RIBC2: variants seen among roughly 807,000 people sequenced by gnomAD.
RIBC2 encodes RIB43A-like with coiled-coils protein 2.
A neutral mutation model predicts 44.3 loss-of-function variants in RIBC2; 40 were observed. The observed-to-expected ratio is 0.90, with a 90% CI of 0.70 to 1.18. The LOEUF (loss-of-function observed/expected upper bound fraction) is 1.18, where lower values mean the gene tolerates loss of function less well. Ranked by LOEUF, RIBC2 falls within the 50% of genes most tolerant of loss-of-function variation. The probability of loss-of-function intolerance (pLI) is 0.00; values close to 1 mark genes in which losing one functional copy is unlikely to be tolerated. For missense variants in RIBC2, 459 were observed against 485.5 expected, an observed-to-expected ratio of 0.95 and a Z score of 0.51; for synonymous variants, 171 against 175.0, an observed-to-expected ratio of 0.98 and a Z score of 0.18.
chr22:45,419,197 T>C (rs1397560910), intron 3 of RIBC2, among the ~76,000 whole-genome samples: 2 of 152,202 alleles, frequency 1.3e-5, no homozygotes, highest in Non-Finnish European at 1.5e-5. Context: ...GCCTGGACTC[T>C]TCCCTGAATC....
At chr22:45,431,480 C>G (rs745742144) in intron 6 of RIBC2, among the ~76,000 whole-genome samples, 2 of 152,226 alleles carry the variant, frequency 1.3e-5, no homozygotes, top group Non-Finnish European at 2.9e-5. Flanking sequence ...GAGTTCAGAG[C>G]TCCAGCTACA....
rs986670846 is a variant in RIBC2, at chr22:45,431,175, T to C, written c.1070+109T>C. The C allele has an allele frequency of 5.3e-6, 7 of 1,315,130 alleles. No individual in the cohort carries two copies. In the Admixed American group the frequency reaches 1.1e-4, roughly 21 times the overall value. 81.5% of individuals were successfully genotyped at this position (1,315,130 alleles called of 1,614,324 possible). On this transcript the variant is annotated intron_variant, in intron 6 of 6. Transcript: ENST00000614167. Reference sequence around the variant, plus strand: ...CAGGAGGGGAAACACCCCGCCCTGGTGGTCCTCATCTGGACACTGTGGACC... The same window carrying C: ...CAGGAGGGGAAACACCCCGCCCTGGCGGTCCTCATCTGGACACTGTGGACC...
chr22:45,431,401 G>C (rs898702778), intron 6 of RIBC2, among the ~76,000 whole-genome samples: 9 of 152,176 alleles, frequency 5.9e-5, no homozygotes, highest in African/African-American at 2.2e-4. Context: ...CGGCTTTCCA[G>C]GTAGAGAGAG....
intron 4 of RIBC2, among the ~76,000 whole-genome samples, chr22:45,424,753 C>CTTTTTTTT (rs3071820): frequency 1.3e-4 from 16 of 124,338 alleles, no homozygotes; most frequent in South Asian, 2.6e-4. Flanking sequence ...TTTCTTTTTT[C>CTTTTTTTT]TTTTTTTTTT....
chr22:45,422,801 C>T (rs907127304), intron 4 of RIBC2, among the ~76,000 whole-genome samples: 2 of 152,094 alleles, frequency 1.3e-5, no homozygotes, highest in African/African-American at 4.8e-5. Flanking sequence ...AGAACAGCTA[C>T]TTGGATGCTC....
Position 45,413,814 on chromosome 22 carries a change from T to G in RIBC2, c.-73T>G. Reference sequence around the variant, plus strand: ...CCCGACCGAAGGAGCCGACCTTGCCTGCGCTACAGCTTCCTTATTTTCGTC... The same window carrying G: ...CCCGACCGAAGGAGCCGACCTTGCCGGCGCTACAGCTTCCTTATTTTCGTC... On this transcript the variant is annotated 5_prime_UTR_variant, in exon 1 of 7. Coordinates refer to ENST00000614167, the MANE Select transcript of RIBC2 (RefSeq NM_015653.5). 1 of 1,478,716 alleles carries G rather than the reference T, an allele frequency of 6.8e-7. No homozygotes were observed. Among genetic ancestry groups the G allele is most frequent in the Non-Finnish European group, 9.0e-7 (1 of 1,109,378 alleles). 91.6% of individuals were successfully genotyped at this position (1,478,716 alleles called of 1,614,324 possible).
chr22:45,414,387 T>C lies in RIBC2; in HGVS notation c.195T>C (p.Ala65=), dbSNP rs575086590. The C allele has an allele frequency of 3.3e-5, 51 of 1,550,726 alleles. 2 individuals are homozygous for C. The South Asian group carries it at 3.8e-4, about 12-fold the overall frequency. Residue 65 remains alanine, a synonymous_variant, in exon 2 of 7, where the codon GCT becomes GCC. Coordinates refer to ENST00000614167, the MANE Select transcript of RIBC2 (RefSeq NM_015653.5). ...AGATAAAAGAAGCTACTGAAAAAGC[T>C]AGACATGAAACCTTTGGTGAGCATT... ...DQKIKEATEK[A]RHETFAAEMR...
At chr22:45,431,573 T>A (rs1456306626) in intron 6 of RIBC2, among the ~76,000 whole-genome samples, 2 of 152,178 alleles carry the variant, frequency 1.3e-5, no homozygotes, top group African/African-American at 4.8e-5. Context: ...AGCTCTTGGC[T>A]TAAACTCAGG....
chr22:45,415,901 T>C (rs1205801052), intron 2 of RIBC2, among the ~76,000 whole-genome samples: 4 of 152,208 alleles, frequency 2.6e-5, no homozygotes, highest in Non-Finnish European at 2.9e-5. Flanking sequence ...GGTTTCACCA[T>C]GTTGGCCAGG....
intron 3 of RIBC2, among the ~76,000 whole-genome samples, chr22:45,421,576 A>AATG (rs2087484142): frequency 8.1e-6 from 1 of 123,482 alleles, no homozygotes; most frequent in African/African-American, 3.3e-5. Context: ...TAATAATAGT[A>AATG]TTATTAATAA....
chr22:45,427,268 T>C (rs1334907129), intron 5 of RIBC2, among the ~76,000 whole-genome samples: 2 of 152,310 alleles, frequency 1.3e-5, no homozygotes, highest in African/African-American at 4.8e-5. Flanking sequence ...CCTGCTATCC[T>C]TGGCTCCTGG....
In RIBC2 at chr22:45,426,168, A is replaced by C. The variant is rs1235908270; in HGVS notation, c.896A>C (p.Glu299Ala). The C allele has an allele frequency of 6.2e-7, 1 of 1,613,202 alleles. No homozygotes were observed. The highest frequency in any genetic ancestry group is 2.2e-5 in the East Asian group (1 of 44,866). Residue 299 changes from glutamate (E) to alanine (A), a missense_variant, in exon 5 of 7, where the codon GAG becomes GCG. Transcript: ENST00000614167. ...IRLVQKQQIQ[E>A]KLRLQEEKRQ... ...CTAGTCCAGAAGCAGCAAATCCAGGAGAAGCTGGTGACTGCCCCGCCCCTT... is the reference window on the plus strand; with the variant it reads ...CTAGTCCAGAAGCAGCAAATCCAGGCGAAGCTGGTGACTGCCCCGCCCCTT...
At chr22:45,420,136 T>C (rs979409259) in intron 3 of RIBC2, among the ~76,000 whole-genome samples, 4 of 152,180 alleles carry the variant, frequency 2.6e-5, no homozygotes, top group African/African-American at 9.7e-5. Flanking sequence ...TACAACGCCT[T>C]CACAGTCTGG....
chr22:45,420,488 C>T (rs558433693), intron 3 of RIBC2, among the ~76,000 whole-genome samples: 8 of 152,156 alleles, frequency 5.3e-5, no homozygotes, highest in Admixed American at 1.3e-4. Context: ...TCTAAATTTC[C>T]ACCTCTGGCC....
intron 5 of RIBC2, among the ~76,000 whole-genome samples, chr22:45,430,052 C>T (rs1259823272): frequency 2.6e-5 from 4 of 152,136 alleles, no homozygotes; most frequent in African/African-American, 9.7e-5. Context: ...ACCCTGGGCT[C>T]CTGAGAGCAG....
intron 4 of RIBC2, 54 bp from the exon 5 acceptor site, chr22:45,425,894 A>G: frequency 6.7e-7 from 1 of 1,483,976 alleles, no homozygotes; most frequent in Non-Finnish European, 9.2e-7. Flanking sequence ...CCTGGGTGTC[A>G]GAATGCCCCT....
At chr22:45,425,862 G>T in intron 4 of RIBC2, 86 bp from the exon 5 acceptor site, 1 of 1,149,552 alleles carries the variant, frequency 8.7e-7, no homozygotes, top group Non-Finnish European at 1.3e-6. Flanking sequence ...TCCCCTCGAG[G>T]GCCCCCAGTG....
chr22:45,417,317 AAT>A (rs1208128999), intron 2 of RIBC2, among the ~76,000 whole-genome samples: 7 of 152,098 alleles, frequency 4.6e-5, no homozygotes, highest in African/African-American at 1.7e-4. Flanking sequence ...TCAGGATACT[AAT>A]CCTTTAATGG....
chr22:45,421,711 G>A (rs2087486970), intron 3 of RIBC2, among the ~76,000 whole-genome samples: 1 of 151,816 alleles, frequency 6.6e-6, no homozygotes, highest in African/African-American at 2.4e-5. Context: ...GCTCGGAAAT[G>A]TCTGGGCTGG....
Sources: gnomAD v4.1 joint callset for allele counts (sites outside exome capture counted in the v4.1 genomes callset) on GRCh38, gnomAD v4.1.1 for gene constraint, MANE v1.5 for transcripts, NCBI Gene and HGNC (gene_info 2026-07-23, HGNC 2026-07-21) for gene names.